The following DAZL variants were observed in gnomAD, a reference collection of about 807,000 sequenced individuals.
The protein encoded by DAZL is deleted in azoospermia-like.
DAZL carries 4 observed loss-of-function variants against 45.0 expected under a neutral mutation model. That is an observed-to-expected ratio of 0.09 (90% CI 0.04 to 0.20). The LOEUF (loss-of-function observed/expected upper bound fraction) is 0.20, where lower values mean the gene tolerates loss of function less well. Ranked by LOEUF, DAZL falls within the 10% of genes least tolerant of loss-of-function variation. DAZL has a pLI of 1.00. For synonymous variants in DAZL, 122 were observed against 112.4 expected, an observed-to-expected ratio of 1.09 and a Z score of -0.54; for missense variants, 326 against 351.3, an observed-to-expected ratio of 0.93 and a Z score of 0.58.
intron 3 of DAZL, among the ~76,000 whole-genome samples, 188 bp from the exon 4 acceptor site, chr3:16,597,729 G>A (rs891573197): frequency 6.6e-6 from 1 of 152,158 alleles, no homozygotes. Context: ...ATCAAAATGT[G>A]CTAAGATTAG....
intron 5 of DAZL, 43 bp downstream of exon 5, chr3:16,596,945 A>G (rs779054700): frequency 1.2e-6 from 2 of 1,612,762 alleles, no homozygotes; most frequent in African/African-American, 1.3e-5. Flanking sequence ...AAGCTACACA[A>G]TTTCTTTTAT....
intron 1 of DAZL, among the ~76,000 whole-genome samples, chr3:16,602,520 A>G (rs1423922411): frequency 3.3e-5 from 5 of 152,238 alleles, no homozygotes; most frequent in Non-Finnish European, 5.9e-5. Flanking sequence ...CAATTTTCAA[A>G]GAGGAAAAAA....
At chr3:16,604,902 C>T (rs1694753914) in intron 1 of DAZL, 2 of 694,736 alleles carry the variant, frequency 2.9e-6, no homozygotes, top group South Asian at 1.9e-5. Flanking sequence ...AGAACCCGAA[C>T]CGGGAAATGG....
intron 1 of DAZL, chr3:16,604,763 G>A: frequency 7.3e-7 from 1 of 1,362,032 alleles, no homozygotes; most frequent in Non-Finnish European, 9.4e-7. Context: ...CCAGAAATGA[G>A]GCTGGCGGGG....
At chr3:16,596,028 GAGA>G (rs1694594782) in intron 6 of DAZL, among the ~76,000 whole-genome samples, 1 of 151,844 alleles carries the variant, frequency 6.6e-6, no homozygotes, top group East Asian at 1.9e-4. Context: ...CCATTGTTCA[GAGA>G]AGGAGAAAGA....
chr3:16,590,209 C>T (rs764261547), intron 10 of DAZL, among the ~76,000 whole-genome samples: 8 of 127,116 alleles, frequency 6.3e-5, no homozygotes, highest in Non-Finnish European at 1.3e-4. Flanking sequence ...CTAAATTATA[C>T]TATCTATGTA....
intron 10 of DAZL, among the ~76,000 whole-genome samples, chr3:16,589,051 T>C (rs1389787232): frequency 1.3e-5 from 2 of 152,156 alleles, no homozygotes; most frequent in African/African-American, 2.4e-5. Context: ...TGGTAGAAAA[T>C]GTAATTCTAA....
At position 16,596,795 on chromosome 3, in the gene DAZL, A is replaced by G. The variant is rs187552486; in HGVS notation, c.453T>C (p.Tyr151=). ...NVWTNPNTET[Y]MQPTTTMNPI... ...GATTCATCGTGGTTGTGGGCTGCATATAAGTTTCAGTGTTTGGATTAGTCC... is the reference window on the plus strand; with the variant it reads ...GATTCATCGTGGTTGTGGGCTGCATGTAAGTTTCAGTGTTTGGATTAGTCC... The change falls in exon 6 of 11, where the codon TAT becomes TAC. Residue 151 remains tyrosine (Y), a synonymous_variant. Transcript: ENST00000399444. 37 of 1,613,882 alleles carry G rather than the reference A, an allele frequency of 2.3e-5. No individual in the cohort carries two copies. The highest frequency in any genetic ancestry group is 1.2e-4 in the African/African-American group (9 of 75,056).
intron 10 of DAZL, among the ~76,000 whole-genome samples, chr3:16,590,391 GA>G (rs1367676921): frequency 1.2e-5 from 1 of 82,974 alleles, no homozygotes; most frequent in South Asian, 3.5e-4. Flanking sequence ...ATTCACAGAT[GA>G]AAAAAAAGCT....
chr3:16,588,518 A>C lies in DAZL; in HGVS notation c.*142T>G, dbSNP rs1352506221. On this transcript the variant is annotated 3_prime_UTR_variant, in exon 11 of 11. Coordinates refer to ENST00000399444, the MANE Select transcript of DAZL (RefSeq NM_001351.4). ...ATCTAATGAAGAACAGTTTAAGATA[A>C]AACTAGAGAGTCTAATAATACAACT... 2.8e-6 allele frequency: 2 copies of C among 723,124 alleles called. No homozygotes were observed. The highest frequency in any genetic ancestry group is 1.8e-5 in the African/African-American group (1 of 56,976). 44.8% of individuals were successfully genotyped at this position (723,124 alleles called of 1,614,324 possible).
Position 16,588,390 on chromosome 3 carries a change from C to T in DAZL, c.*270G>A. 4 of 357,972 alleles carry T rather than the reference C, an allele frequency of 1.1e-5. No homozygotes were observed. The highest frequency in any genetic ancestry group is 2.1e-5 in the African/African-American group (1 of 47,886). The allele number at this position is 357,972 out of a possible 1,614,324, so 22.2% of individuals were successfully genotyped here. The stretch of plus-strand genomic sequence containing the variant: ...ATTTGCTTTTAAACACTTAAAATGC[C>T]AATTTTTAAAAAATCCTTGCAGATA... On this transcript the variant is annotated 3_prime_UTR_variant, in exon 11 of 11. Transcript: ENST00000399444.
rs893917348 is a variant in DAZL, at chr3:16,593,856, A to T, written c.622-88T>A. On this transcript the variant is annotated intron_variant, in intron 8 of 10. Coordinates refer to ENST00000399444, the MANE Select transcript of DAZL (RefSeq NM_001351.4). ...TTCTTCAAAAAGCTAAGCTGGTATC[A>T]AAAGTTTCAATGTAGGTTGTGTTGA... is the stretch of plus-strand genomic sequence containing the variant. The T allele has an allele frequency of 6.2e-6, 5 of 807,358 alleles. No homozygotes were observed. The African/African-American group carries it at 8.7e-5, about 14-fold the overall frequency. 50.0% of individuals were successfully genotyped at this position (807,358 alleles called of 1,614,324 possible).
intron 1 of DAZL, chr3:16,604,371 C>T (rs576304880): frequency 4.5e-6 from 6 of 1,347,854 alleles, no homozygotes; most frequent in East Asian, 5.1e-5. Flanking sequence ...CCTGGTTTAT[C>T]GAGAGGGAAA....
intron 1 of DAZL, chr3:16,604,511 C>G (rs1326593404): frequency 1.3e-5 from 20 of 1,513,936 alleles, no homozygotes; most frequent in Non-Finnish European, 1.8e-5. Context: ...ATCAGCAAGT[C>G]CCCCGCAGCT....
chr3:16,594,383 AAAAG>A (rs2125045047), intron 8 of DAZL, 146 bp downstream of exon 8: 2 of 631,144 alleles, frequency 3.2e-6, no homozygotes, highest in South Asian at 2.8e-5. Flanking sequence ...AACTGGGTTA[AAAAG>A]AAAGTAACAA....
rs765151404 is a variant in DAZL at position 16,597,549 on chromosome 3, G to A, written c.243-8C>T. On this transcript the variant is annotated splice_polypyrimidine_tract_variant and splice_region_variant and intron_variant, in intron 3 of 10. Coordinates refer to ENST00000399444, the MANE Select transcript of DAZL (RefSeq NM_001351.4). Reference sequence around the variant, plus strand: ...AATGAAACAAATCCATAGCTATAAAGGCAGATAAATGAAGTATAAAATCAC... The same window carrying A: ...AATGAAACAAATCCATAGCTATAAAAGCAGATAAATGAAGTATAAAATCAC... The A allele has an allele frequency of 9.6e-6, 15 of 1,556,570 alleles. No individual in the cohort carries two copies. The African/African-American group carries it at 1.5e-4, about 15-fold the overall frequency.
At position 16,598,189 on chromosome 3, in the gene DAZL, G is replaced by C. The variant is rs564180610; in HGVS notation, c.151-11C>G. The C allele has an allele frequency of 3.2e-6, 5 of 1,574,044 alleles. No homozygotes were observed. In the South Asian group the frequency reaches 4.4e-5, roughly 14 times the overall value. ...CTCAGTTTCATCCATCTATGGAAAA[G>C]AATTGAACTTCAAGAGTAAAAATTC... On this transcript the variant is annotated splice_polypyrimidine_tract_variant and intron_variant, in intron 2 of 10. Transcript: ENST00000399444.
At chr3:16,591,646 G>T (rs1694520306) in intron 10 of DAZL, among the ~76,000 whole-genome samples, 1 of 151,982 alleles carries the variant, frequency 6.6e-6, no homozygotes, top group Non-Finnish European at 1.5e-5. Context: ...GTTGCCCAGG[G>T]TGGTCTCGAA....
intron 1 of DAZL, among the ~76,000 whole-genome samples, chr3:16,602,453 C>G (rs987450941): frequency 6.6e-6 from 1 of 152,166 alleles, no homozygotes; most frequent in South Asian, 2.1e-4. Flanking sequence ...CATCAGACAC[C>G]AGAAATAAAG....
Sources: gnomAD v4.1 joint callset for allele counts (sites outside exome capture counted in the v4.1 genomes callset) on GRCh38, gnomAD v4.1.1 for gene constraint, MANE v1.5 for transcripts, NCBI Gene and HGNC (gene_info 2026-07-23, HGNC 2026-07-21) for gene names.